The following SFMBT2 variants were observed in gnomAD, a reference collection of about 807,000 sequenced individuals.
The protein encoded by SFMBT2 is scm-like with four MBT domains protein 2.
A neutral mutation model predicts 110.1 loss-of-function variants in SFMBT2; 38 were observed. The observed-to-expected ratio is 0.35, with a 90% CI of 0.27 to 0.45. The LOEUF (loss-of-function observed/expected upper bound fraction) is 0.45, where lower values mean the gene tolerates loss of function less well. SFMBT2 is among the 20% of genes least tolerant of loss of function. The pLI, the probability that SFMBT2 is intolerant of heterozygous loss-of-function variation, is 1.00. For synonymous variants in SFMBT2, 425 were observed against 425.4 expected, an observed-to-expected ratio of 1.00 and a Z score of 0.01; for missense variants, 1,011 against 1,094.9, an observed-to-expected ratio of 0.92 and a Z score of 1.08.
chr10:7,279,633 C>T (rs1005043980), intron 6 of SFMBT2, among the ~76,000 whole-genome samples: 1 of 152,172 alleles, frequency 6.6e-6, no homozygotes, highest in African/African-American at 2.4e-5. Flanking sequence ...TAAAGTAAAT[C>T]ATGCCAGTTT....
At chr10:7,397,895 G>A (rs1291348492) in intron 1 of SFMBT2, among the ~76,000 whole-genome samples, 1 of 152,178 alleles carries the variant, frequency 6.6e-6, no homozygotes, top group African/African-American at 2.4e-5. Context: ...AGCCAACTAA[G>A]AAGAGACAAG....
At chr10:7,229,884 C>G (rs1383872858) in intron 9 of SFMBT2, among the ~76,000 whole-genome samples, 2 of 151,392 alleles carry the variant, frequency 1.3e-5, no homozygotes, top group Non-Finnish European at 2.9e-5. Context: ...CCATGCCTGG[C>G]TAATTTTTAT....
intron 4 of SFMBT2, among the ~76,000 whole-genome samples, chr10:7,360,845 C>T (rs1005314369): frequency 1.3e-5 from 2 of 152,206 alleles, no homozygotes; most frequent in Non-Finnish European, 2.9e-5. Context: ...AAGGTCCATT[C>T]AGTGCCTATT....
chr10:7,196,702 T>C (rs1333546403), intron 15 of SFMBT2, among the ~76,000 whole-genome samples: 1 of 152,236 alleles, frequency 6.6e-6, no homozygotes, highest in East Asian at 1.9e-4. Flanking sequence ...TGCAGAATTT[T>C]AAGAAACATT....
At chr10:7,366,057 G>C (rs144885463) in intron 4 of SFMBT2, among the ~76,000 whole-genome samples, 2 of 152,264 alleles carry the variant, frequency 1.3e-5, no homozygotes, top group African/African-American at 4.8e-5. Context: ...TGCAGATAGG[G>C]TGTGACCTGG....
intron 9 of SFMBT2, among the ~76,000 whole-genome samples, chr10:7,229,554 C>A (rs1194006917): frequency 6.9e-6 from 1 of 144,144 alleles, no homozygotes; most frequent in Non-Finnish European, 1.5e-5. Flanking sequence ...GAGATCTCCC[C>A]ACTGCACTCC....
At chr10:7,339,240 GATGAATAAATAAATAA>G (rs1564447680) in intron 4 of SFMBT2, among the ~76,000 whole-genome samples, 1 of 151,834 alleles carries the variant, frequency 6.6e-6, no homozygotes, top group Non-Finnish European at 1.5e-5. Flanking sequence ...ACTCCATCTC[GATGAATAAATAAATAA>G]ATGAATAAAT....
intron 4 of SFMBT2, among the ~76,000 whole-genome samples, chr10:7,364,821 G>T (rs1844841474): frequency 6.6e-6 from 1 of 152,226 alleles, no homozygotes; most frequent in Non-Finnish European, 1.5e-5. Flanking sequence ...CCCTGAGTGT[G>T]AGGGGGCACA....
chr10:7,274,573 C>T (rs1681826939), intron 7 of SFMBT2, among the ~76,000 whole-genome samples: 1 of 152,166 alleles, frequency 6.6e-6, no homozygotes, highest in African/African-American at 2.4e-5. Flanking sequence ...TTTGCTTCCC[C>T]TTTTGCCATG....
intron 1 of SFMBT2, among the ~76,000 whole-genome samples, chr10:7,395,998 G>A (rs755783902): frequency 6.6e-6 from 1 of 152,114 alleles, no homozygotes; most frequent in African/African-American, 2.4e-5. Context: ...ACTTTGGGAG[G>A]CTAAGGCAGG....
rs370792160 is a variant in SFMBT2, at chr10:7,172,508, G to A, written c.2138C>T (p.Ala713Val). 119 of 1,614,038 alleles carry A rather than the reference G, an allele frequency of 7.4e-5. 1 individual carries two copies. Among genetic ancestry groups the A allele is most frequent in the South Asian group, 6.5e-4 (59 of 91,050 alleles). The change falls in exon 18 of 21, where the codon GCG (alanine) becomes GTG (valine). Residue 713 changes from alanine (A) to valine (V), a missense_variant. Physicochemically the swap from Ala to Val is moderately conservative, Grantham distance 64 (BLOSUM62 0). Transcript: ENST00000397167. This position sits in a 1 kb window ranked among gnomAD's most constrained non-coding sequence, Gnocchi z 4.6. ...GGCAGAACATACCTCCCCCGAGCCC[G>A]CGGTGAAGTCCACGGCAGAAGACCT... ...KRRSSAVDFT[A>V]GSGEESEEED...
Position 7,301,689 on chromosome 10 carries a change from G to A in SFMBT2, c.437-15735C>T, listed in dbSNP as rs182387422. 3.3e-5 allele frequency among the ~76,000 whole-genome samples: 5 copies of A among 152,278 alleles called. No individual in the cohort carries two copies. Among genetic ancestry groups the A allele is most frequent in the East Asian group, 1.9e-4 (1 of 5,178 alleles). Reference sequence around the variant, plus strand: ...GTTGGGCCATTTACTATTCTGAAACGCAGAAACTGGTATTTCTTGACATGG... The same window carrying A: ...GTTGGGCCATTTACTATTCTGAAACACAGAAACTGGTATTTCTTGACATGG... On this transcript the variant is annotated intron_variant, in intron 4 of 20. Coordinates refer to ENST00000397167, the MANE Select transcript of SFMBT2 (RefSeq NM_001387889.1). The surrounding 1 kb of genome is among the most constrained non-coding windows in gnomAD (Gnocchi z 4.2).
At chr10:7,361,262 C>T (rs538127605) in intron 4 of SFMBT2, among the ~76,000 whole-genome samples, 15 of 152,198 alleles carry the variant, frequency 9.9e-5, no homozygotes, top group African/African-American at 3.6e-4. Flanking sequence ...GTTTAAGTTC[C>T]CTTAATATTA....
At chr10:7,346,601 A>G (rs1237308533) in intron 4 of SFMBT2, among the ~76,000 whole-genome samples, 1 of 152,178 alleles carries the variant, frequency 6.6e-6, no homozygotes, top group East Asian at 1.9e-4. Context: ...GAAAAAAAAT[A>G]CCATTCTCTT....
At chr10:7,352,283 T>C (rs1485150428) in intron 4 of SFMBT2, among the ~76,000 whole-genome samples, 1 of 152,210 alleles carries the variant, frequency 6.6e-6, no homozygotes, top group Non-Finnish European at 1.5e-5. Context: ...GCCTGGCTCT[T>C]GGAAGTTTCC....
At chr10:7,237,681 T>C (rs1840299872) in intron 9 of SFMBT2, among the ~76,000 whole-genome samples, 2 of 152,314 alleles carry the variant, frequency 1.3e-5, no homozygotes, top group Non-Finnish European at 2.9e-5. Context: ...GGATGACTAG[T>C]GGGTGATTGA....
rs1426443140 is a variant in SFMBT2, at chr10:7,248,572, G to A, written c.948C>T (p.Tyr316=). Reference sequence around the variant, plus strand: ...CCTTAGTCACCGACGCAGGAGAGATGTAAAAGGGCTCGCACATATTCACTG... The same window carrying A: ...CCTTAGTCACCGACGCAGGAGAGATATAAAAGGGCTCGCACATATTCACTG... ...LETVNMCEPF[Y]ISPASVTKVF... Residue 316 remains tyrosine (Y), a synonymous_variant, in exon 8 of 21, where the codon TAC becomes TAT. Coordinates refer to ENST00000397167, the MANE Select transcript of SFMBT2 (RefSeq NM_001387889.1). 2.5e-6 allele frequency: 4 copies of A among 1,614,054 alleles called. No homozygotes were observed. In the South Asian group the frequency reaches 3.3e-5, roughly 13 times the overall value.
At chr10:7,221,693 CT>C (rs1478740000) in intron 10 of SFMBT2, among the ~76,000 whole-genome samples, 10 of 150,866 alleles carry the variant, frequency 6.6e-5, no homozygotes, top group South Asian at 6.3e-4. Context: ...TATTATTTTC[CT>C]TTGTTCTTTT....
Position 7,342,317 on chromosome 10 carries a change from T to G in SFMBT2, c.436+25332A>C, listed in dbSNP as rs554117659. On this transcript the variant is annotated intron_variant, in intron 4 of 20. Coordinates refer to ENST00000397167, the MANE Select transcript of SFMBT2 (RefSeq NM_001387889.1). ...GCCTGTGCAAATTTGACTCGTAAAC[T>G]GAATGGATGGGGGAACCAGAATATC... is the stretch of plus-strand genomic sequence containing the variant. Among the ~76,000 whole-genome samples, 6 of 150,480 alleles carry G rather than the reference T, an allele frequency of 4.0e-5. No individual in the cohort carries two copies. The South Asian group carries it at 1.3e-3, about 32-fold the overall frequency.
Sources: allele counts gnomAD v4.1 joint callset (sites outside exome capture counted in the v4.1 genomes callset), GRCh38; gene constraint gnomAD v4.1.1; non-coding constraint Gnocchi (gnomAD v3.1); transcripts MANE v1.5; gene names NCBI Gene and HGNC (gene_info 2026-07-23, HGNC 2026-07-21).